ZDHHC11: variants seen among roughly 807,000 people sequenced by gnomAD.
ZDHHC11 encodes the protein palmitoyltransferase ZDHHC11.
In ZDHHC11, 44 loss-of-function variants were observed where a neutral mutation model predicts 51.3. The observed-to-expected ratio is 0.86, with a 90% CI of 0.67 to 1.10. The LOEUF is 1.10. Among genes scored for constraint, ZDHHC11 ranks in the 50% least tolerant of loss-of-function variants. ZDHHC11 has a pLI of 0.00. For missense variants in ZDHHC11, 400 were observed against 537.7 expected (o/e 0.74, Z 2.53); for synonymous variants, 163 against 222.0 (o/e 0.73, Z 2.36).
At chr5:849,490 C>G (rs13356278) in intron 1 of ZDHHC11, among the ~76,000 whole-genome samples, 29,419 of 151,854 alleles carry the variant, frequency 0.19, 6,089 homozygotes, top group African/African-American at 0.52. Context: ...GGGGGAGGAG[C>G]GAGGGAGCTG....
chr5:855,060 G>GC (rs1747967805), upstream of ZDHHC11, among the ~76,000 whole-genome samples: 35 of 130,314 alleles, frequency 2.7e-4, no homozygotes, highest in South Asian at 2.6e-4. Context: ...AAGCCAGGGG[G>GC]ACAGACCCCA....
rs1047472282 is a variant in ZDHHC11, at chr5:850,534, G to C, written c.69C>G (p.Val23=). The change falls in exon 1 of 13, where the codon GTC becomes GTG. Residue 23 remains valine, a synonymous_variant. Coordinates refer to ENST00000283441, the MANE Select transcript of ZDHHC11 (RefSeq NM_024786.3). ...PEAILNNEKL[V]LPPRISRVNG... ...TCACTCTGGAGATGCGGGGCGGCAA[G>C]ACCAGCTTTTCATTATTGAGTATGG... 2.5e-6 allele frequency: 4 copies of C among 1,613,806 alleles called. No homozygotes were observed. The highest frequency in any genetic ancestry group is 3.4e-6 in the Non-Finnish European group (4 of 1,180,036).
At chr5:821,503 C>T (rs1392812361) in intron 9 of ZDHHC11, 4 of 222,150 alleles carry the variant, frequency 1.8e-5, no homozygotes, top group East Asian at 1.4e-4. Flanking sequence ...TTTTGGGAAG[C>T]ATCAAGTGAA....
chr5:824,007 G>C (rs1241816852), intron 8 of ZDHHC11: 1 of 452,130 alleles, frequency 2.2e-6, no homozygotes, highest in African/African-American at 2.0e-5. Context: ...CAGCGTCGCT[G>C]TTCCTCCAGG....
At chr5:839,017 G>A (rs1172911681) in intron 5 of ZDHHC11, among the ~76,000 whole-genome samples, 7 of 135,158 alleles carry the variant, frequency 5.2e-5, no homozygotes, top group South Asian at 2.4e-4. Flanking sequence ...GCCCAACCTC[G>A]GCCGATTCTC....
At chr5:841,666 A>G in intron 4 of ZDHHC11, 2 of 991,460 alleles carry the variant, frequency 2.0e-6, no homozygotes, top group Non-Finnish European at 2.4e-6. Context: ...ATAGAACAGG[A>G]AAGCCACAGC....
chr5:854,333 A>G (rs1375371676), upstream of ZDHHC11, among the ~76,000 whole-genome samples: 1 of 151,054 alleles, frequency 6.6e-6, no homozygotes, highest in Admixed American at 6.6e-5. Context: ...GAACCCACAG[A>G]GGACAGCGAG....
At chr5:824,028 C>T (rs1362511770) in intron 8 of ZDHHC11, 1 of 454,526 alleles carries the variant, frequency 2.2e-6, no homozygotes, top group Non-Finnish European at 4.4e-6. Context: ...CTGGGCTGAT[C>T]CCTTTTTATT....
At chr5:840,830 T>A in intron 4 of ZDHHC11, 180 bp from the exon 5 acceptor site, 3 of 1,464,806 alleles carry the variant, frequency 2.0e-6, no homozygotes, top group Non-Finnish European at 2.7e-6. Flanking sequence ...CCTGCTGCCT[T>A]CGGTTGGTTT....
intron 12 of ZDHHC11, among the ~76,000 whole-genome samples, chr5:797,076 G>A (rs1455881937): frequency 1.3e-5 from 2 of 150,972 alleles, no homozygotes; most frequent in East Asian, 1.9e-4. Context: ...GTGTGGTGGT[G>A]GGCAACTGTA....
chr5:829,311 G>A (rs1302448018), intron 7 of ZDHHC11, among the ~76,000 whole-genome samples: 3 of 151,626 alleles, frequency 2.0e-5, no homozygotes, highest in South Asian at 2.1e-4. Flanking sequence ...GAAATGAAAT[G>A]AGAGATAGCA....
chr5:820,644 G>A (rs2150333549), intron 9 of ZDHHC11, among the ~76,000 whole-genome samples: 1 of 151,346 alleles, frequency 6.6e-6, no homozygotes, highest in South Asian at 2.1e-4. Context: ...GACCTTTGCT[G>A]CCTCTCTGTG....
chr5:854,633 GC>G (rs1747865531), upstream of ZDHHC11, among the ~76,000 whole-genome samples: 8 of 150,736 alleles, frequency 5.3e-5, no homozygotes, highest in African/African-American at 2.0e-4. Flanking sequence ...AGGACAGCGA[GC>G]CAGGGTCACA....
At chr5:850,264 C>G in intron 1 of ZDHHC11, 117 bp downstream of exon 1, 1 of 1,201,952 alleles carries the variant, frequency 8.3e-7, no homozygotes, top group Non-Finnish European at 1.2e-6. Flanking sequence ...CATAGTCTGG[C>G]CCAGGGCAGG....
rs141436965 is a variant in ZDHHC11, at chr5:829,457, T to C, written c.936-4206A>G. Among the ~76,000 whole-genome samples the C allele has an allele frequency of 7.4e-3, 1,123 of 151,838 alleles. 36 individuals carry two copies. The highest frequency in any genetic ancestry group is 0.062 in the Admixed American group (942 of 15,244). Reference sequence around the variant, plus strand: ...CCACCTAGATTAAATCAGGAAGAAATAGAAACTCTTAACAGACTAATAACA... The same window carrying C: ...CCACCTAGATTAAATCAGGAAGAAACAGAAACTCTTAACAGACTAATAACA... On this transcript the variant is annotated intron_variant, in intron 7 of 12. Coordinates refer to ENST00000283441, the MANE Select transcript of ZDHHC11 (RefSeq NM_024786.3).
chr5:846,657 T>C (rs112385656), intron 3 of ZDHHC11, among the ~76,000 whole-genome samples: 107 of 72,662 alleles, frequency 1.5e-3, no homozygotes, highest in African/African-American at 3.8e-3. Context: ...TCAGGGGAAA[T>C]ACCTCTCGCC....
chr5:805,646 A>T (rs1392380974), intron 11 of ZDHHC11, among the ~76,000 whole-genome samples: 1 of 151,336 alleles, frequency 6.6e-6, no homozygotes, highest in South Asian at 2.1e-4. Flanking sequence ...CAATGCAAAA[A>T]GCTAAATAGC....
At chr5:815,032 C>T (rs1295843957) in intron 10 of ZDHHC11, among the ~76,000 whole-genome samples, 4 of 151,318 alleles carry the variant, frequency 2.6e-5, no homozygotes, top group African/African-American at 9.7e-5. Context: ...CTCCCAGTAC[C>T]TCAGAATGTG....
In ZDHHC11 at chr5:807,253, TAAA is replaced by T. The variant is rs11385305; in HGVS notation, c.1182-6092_1182-6090del. On this transcript the variant is annotated intron_variant, in intron 11 of 12. Coordinates refer to ENST00000283441, the MANE Select transcript of ZDHHC11 (RefSeq NM_024786.3). Reference sequence around the variant, plus strand: ...TACATACACACAATGCCCTTTCTGTTAAAAAAAAAAATGAAAAAGTATCCAATG... The same window carrying T: ...TACATACACACAATGCCCTTTCTGTTAAAAAAAATGAAAAAGTATCCAATG... Among the ~76,000 whole-genome samples, 9 of 146,770 alleles carry T rather than the reference TAAA, an allele frequency of 6.1e-5. No homozygotes were observed. In the East Asian group the frequency reaches 1.8e-3, roughly 29 times the overall value.
Sources: allele counts gnomAD v4.1 joint callset (sites outside exome capture counted in the v4.1 genomes callset), GRCh38; gene constraint gnomAD v4.1.1; transcripts MANE v1.5; gene names NCBI Gene and HGNC (gene_info 2026-07-23, HGNC 2026-07-21).